Variants in RARB observed in about 807,000 individuals in gnomAD.
RARB encodes the protein retinoic acid receptor beta, also known as HBV-activated protein.
A neutral mutation model predicts 51.9 loss-of-function variants in RARB; 17 were observed. The observed-to-expected ratio is 0.33, with a 90% CI of 0.22 to 0.49. The LOEUF (loss-of-function observed/expected upper bound fraction) is 0.49, where lower values mean the gene tolerates loss of function less well. RARB is among the 20% of genes least tolerant of loss of function. RARB has a pLI of 0.99. For missense variants in RARB, 369 were observed against 550.8 expected, an observed-to-expected ratio of 0.67 and a Z score of 3.30; for synonymous variants, 215 against 195.4, an observed-to-expected ratio of 1.10 and a Z score of -0.84.
chr3:25,418,601 C>G (rs1253155626), intron 5 of RARB, among the ~76,000 whole-genome samples: 1 of 150,422 alleles, frequency 6.6e-6, no homozygotes, highest in Non-Finnish European at 1.5e-5. Flanking sequence ...TCCATCTCAA[C>G]AGGTGTGAAA....
At chr3:25,316,533 G>C (rs1704429864) in intron 5 of RARB, among the ~76,000 whole-genome samples, 1 of 152,136 alleles carries the variant, frequency 6.6e-6, no homozygotes, top group African/African-American at 2.4e-5. Context: ...TATATCTATA[G>C]AAGAGAAAAG....
At chr3:25,357,266 T>C (rs1472545592) in intron 5 of RARB, among the ~76,000 whole-genome samples, 1 of 152,268 alleles carries the variant, frequency 6.6e-6, no homozygotes, top group Middle Eastern at 3.2e-3. Flanking sequence ...TAATGACCAG[T>C]GATAATGAGC....
intron 3 of RARB, 69 bp downstream of exon 3, chr3:25,501,392 C>G: frequency 1.3e-6 from 2 of 1,548,312 alleles, no homozygotes; most frequent in Non-Finnish European, 1.7e-6. Context: ...CTTCCACAGT[C>G]ATGTGGAATT....
intron 5 of RARB, among the ~76,000 whole-genome samples, chr3:25,351,236 G>C (rs1705560415): frequency 6.6e-6 from 1 of 152,008 alleles, no homozygotes. Context: ...GGGCAGGCTT[G>C]CTGGCTTGCT....
chr3:25,199,989 T>A (rs1701349683), intron 5 of RARB, among the ~76,000 whole-genome samples: 1 of 152,204 alleles, frequency 6.6e-6, no homozygotes, highest in Non-Finnish European at 1.5e-5. Flanking sequence ...TCAAATGGGA[T>A]TTCTAGTTCT....
At chr3:25,172,839 C>G (rs1487899977) in intron 4 of RARB, among the ~76,000 whole-genome samples, 3 of 152,198 alleles carry the variant, frequency 2.0e-5, no homozygotes, top group Admixed American at 2.0e-4. Flanking sequence ...TGTTGTATTA[C>G]TTCATTTAAT....
intron 2 of RARB, among the ~76,000 whole-genome samples, chr3:25,469,899 C>G (rs1161857852): frequency 6.6e-6 from 1 of 152,010 alleles, no homozygotes; most frequent in African/African-American, 2.4e-5. Flanking sequence ...AGGCTCAAGT[C>G]TTTGAAAGAC....
chr3:24,835,421 A>G (rs1702331960), intron 1 of RARB, among the ~76,000 whole-genome samples: 1 of 152,198 alleles, frequency 6.6e-6, no homozygotes, highest in Non-Finnish European at 1.5e-5. Flanking sequence ...ATTCATGTCC[A>G]TCTTCACAGG....
chr3:25,217,119 T>G (rs1575227974), intron 5 of RARB, among the ~76,000 whole-genome samples: 1 of 152,220 alleles, frequency 6.6e-6, no homozygotes, highest in Non-Finnish European at 1.5e-5. Context: ...AGCGGTGATA[T>G]TGCAATTTTA....
intron 4 of RARB, among the ~76,000 whole-genome samples, 181 bp downstream of exon 4, chr3:25,570,099 C>A (rs1700653893): frequency 1.3e-5 from 2 of 152,164 alleles, no homozygotes; most frequent in Admixed American, 6.5e-5. Flanking sequence ...GTGAGGTAGC[C>A]TTTGGGCGTG....
At chr3:24,958,254 G>GGT (rs1559411451) in intron 2 of RARB, among the ~76,000 whole-genome samples, 41 of 67,442 alleles carry the variant, frequency 6.1e-4, no homozygotes, top group African/African-American at 2.4e-3. Context: ...GAGCTGCTCA[G>GGT]GTTTTTTTTT....
At chr3:25,554,075 C>G (rs1039346915) in intron 3 of RARB, among the ~76,000 whole-genome samples, 1 of 151,450 alleles carries the variant, frequency 6.6e-6, no homozygotes, top group Non-Finnish European at 1.5e-5. Context: ...ATGTGTGTGT[C>G]TACCTCTGGA....
intron 2 of RARB, among the ~76,000 whole-genome samples, chr3:25,479,885 A>G (rs1188037638): frequency 1.3e-5 from 2 of 152,208 alleles, no homozygotes; most frequent in Admixed American, 1.3e-4. Context: ...CCATGCATAC[A>G]TTACCAGCAG....
intron 2 of RARB, among the ~76,000 whole-genome samples, chr3:25,025,623 G>T (rs1265149709): frequency 6.6e-6 from 1 of 152,162 alleles, no homozygotes; most frequent in East Asian, 1.9e-4. Flanking sequence ...GGCCTACCTA[G>T]GGAATAGGGA....
At chr3:25,577,234 A>T (rs578083294) in intron 4 of RARB, among the ~76,000 whole-genome samples, 3 of 152,322 alleles carry the variant, frequency 2.0e-5, no homozygotes, top group South Asian at 2.1e-4. Context: ...AAATGATTGC[A>T]CTTCTGTGGG....
At chr3:25,577,908 A>G (rs111982812) in intron 4 of RARB, among the ~76,000 whole-genome samples, 7,028 of 152,326 alleles carry the variant, frequency 0.046, 201 homozygotes, top group Non-Finnish European at 0.068. Flanking sequence ...GAGGCGCTGC[A>G]GCTCCTGTAG....
At chr3:25,054,872 C>T (rs1048621037) in intron 2 of RARB, among the ~76,000 whole-genome samples, 5 of 152,076 alleles carry the variant, frequency 3.3e-5, no homozygotes, top group South Asian at 2.1e-4. Context: ...AAAGCAATCT[C>T]GATTATTGAA....
At chr3:24,873,002 T>C (rs1301192597) in intron 2 of RARB, among the ~76,000 whole-genome samples, 1 of 152,236 alleles carries the variant, frequency 6.6e-6, no homozygotes, top group African/African-American at 2.4e-5. Flanking sequence ...TTGTGGACCA[T>C]ACATCCTCTT....
At chr3:24,872,097 T>A (rs537103561) in intron 2 of RARB, among the ~76,000 whole-genome samples, 1 of 152,220 alleles carries the variant, frequency 6.6e-6, no homozygotes, top group Admixed American at 6.5e-5. Context: ...CTCGAATGAT[T>A]CCCCATTTCA....
Sources: allele counts gnomAD v4.1 joint callset (sites outside exome capture counted in the v4.1 genomes callset), GRCh38; gene constraint gnomAD v4.1.1; transcripts MANE v1.5; gene names NCBI Gene and HGNC (gene_info 2026-07-23, HGNC 2026-07-21).